RERE: variants seen among roughly 807,000 people sequenced by gnomAD.
RERE encodes arginine-glutamic acid dipeptide repeats protein.
Under a neutral mutation model 146.1 loss-of-function variants are expected in RERE, and 40 were observed. The observed-to-expected ratio is 0.27, with a 90% confidence interval of 0.21 to 0.36. The LOEUF (loss-of-function observed/expected upper bound fraction) is 0.36. Ranked by LOEUF, RERE falls within the 10% of genes least tolerant of loss-of-function variation. The pLI is 1.00. For synonymous variants in RERE, 1,003 were observed against 866.0 expected, an observed-to-expected ratio of 1.16 and a Z score of -2.78; for missense variants, 1,933 against 2,138.7, an observed-to-expected ratio of 0.90 and a Z score of 1.90.
At chr1:8,369,201 T>C (rs1053658510) in intron 12 of RERE, among the ~76,000 whole-genome samples, 3 of 151,950 alleles carry the variant, frequency 2.0e-5, no homozygotes, top group Non-Finnish European at 4.4e-5. Flanking sequence ...AGGCCATCTC[T>C]TTAAAAAAAA....
At chr1:8,710,549 C>T (rs923993304) in intron 1 of RERE, among the ~76,000 whole-genome samples, 5 of 152,182 alleles carry the variant, frequency 3.3e-5, no homozygotes, top group Non-Finnish European at 7.4e-5. Context: ...GACGGAGTCT[C>T]GCTGTGTCAC....
intron 2 of RERE, among the ~76,000 whole-genome samples, chr1:8,645,920 C>T (rs935154486): frequency 2.0e-5 from 3 of 152,100 alleles, no homozygotes; most frequent in Non-Finnish European, 4.4e-5. Context: ...AATAAAATTT[C>T]AAAAGAAACA....
intron 1 of RERE, among the ~76,000 whole-genome samples, chr1:8,687,150 T>C (rs1403589157): frequency 6.6e-6 from 1 of 152,144 alleles, no homozygotes; most frequent in Non-Finnish European, 1.5e-5. Flanking sequence ...GGCATGTTTG[T>C]ATGCTGCTGG....
intron 6 of RERE, among the ~76,000 whole-genome samples, chr1:8,552,814 G>A (rs936556156): frequency 3.3e-5 from 5 of 152,188 alleles, no homozygotes; most frequent in South Asian, 4.1e-4. Context: ...TGACAGCAAC[G>A]CGACCCTGCA....
In RERE at chr1:8,443,334, C is replaced by T. The variant is rs1029804313; in HGVS notation, c.1204-20527G>A. Among the ~76,000 whole-genome samples, 8 of 151,740 alleles carry T rather than the reference C, an allele frequency of 5.3e-5. No individual in the cohort carries two copies. In the East Asian group the frequency reaches 7.8e-4, roughly 15 times the overall value. The stretch of plus-strand genomic sequence containing the variant: ...AAAATTAGCCCGGCATGATGGCACA[C>T]ACCTGTAATCCCAGCTACCTGGGAG... On this transcript the variant is annotated intron_variant, in intron 11 of 22. Coordinates refer to ENST00000400908, the MANE Select transcript of RERE (RefSeq NM_001042681.2).
At chr1:8,762,277 C>T (rs149640427) in intron 1 of RERE, among the ~76,000 whole-genome samples, 83 of 152,302 alleles carry the variant, frequency 5.4e-4, no homozygotes, top group Middle Eastern at 3.4e-3. Context: ...GGAAGACAAG[C>T]GCCTTAGGAG....
At chr1:8,479,137 C>G (rs886844281) in intron 10 of RERE, among the ~76,000 whole-genome samples, 1 of 152,128 alleles carries the variant, frequency 6.6e-6, no homozygotes, top group South Asian at 2.1e-4. Context: ...GTAATCCCAG[C>G]ACTTTCAGAA....
At chr1:8,522,718 CA>C (rs1557671113) in intron 7 of RERE, among the ~76,000 whole-genome samples, 1 of 151,882 alleles carries the variant, frequency 6.6e-6, no homozygotes, top group Non-Finnish European at 1.5e-5. Flanking sequence ...CTAAAAAATA[CA>C]AAAATTAGCC....
chr1:8,704,480 G>C (rs1639519743), intron 1 of RERE, among the ~76,000 whole-genome samples: 1 of 152,094 alleles, frequency 6.6e-6, no homozygotes, highest in Non-Finnish European at 1.5e-5. Flanking sequence ...CTCTCAAATA[G>C]CTTCATAAAT....
At chr1:8,385,379 C>T (rs942324222) in intron 12 of RERE, among the ~76,000 whole-genome samples, 1 of 152,188 alleles carries the variant, frequency 6.6e-6, no homozygotes, top group African/African-American at 2.4e-5. Flanking sequence ...TCTCAAGAGG[C>T]CTCAGGGAAA....
At chr1:8,564,525 GT>G (rs1180008608) in intron 4 of RERE, among the ~76,000 whole-genome samples, 1 of 152,056 alleles carries the variant, frequency 6.6e-6, no homozygotes, top group East Asian at 1.9e-4. Flanking sequence ...TGCCCAACCT[GT>G]ATTTATTTAC....
chr1:8,443,200 C>T (rs1228046096), intron 11 of RERE, among the ~76,000 whole-genome samples: 1 of 152,194 alleles, frequency 6.6e-6, no homozygotes, highest in Admixed American at 6.5e-5. Flanking sequence ...TGGTGGCTCA[C>T]GCCTGTAATC....
chr1:8,637,522 C>G (rs919321666), intron 2 of RERE, among the ~76,000 whole-genome samples: 4 of 152,156 alleles, frequency 2.6e-5, no homozygotes, highest in African/African-American at 9.7e-5. Context: ...TGACCAAAAT[C>G]ATACTATCCT....
intron 7 of RERE, among the ~76,000 whole-genome samples, chr1:8,514,846 C>T (rs1220090191): frequency 6.6e-6 from 1 of 152,184 alleles, no homozygotes; most frequent in East Asian, 1.9e-4. Flanking sequence ...GATTATGGCA[C>T]ATTCTGAACT....
At chr1:8,489,066 C>T (rs1212352537) in intron 10 of RERE, among the ~76,000 whole-genome samples, 1 of 151,946 alleles carries the variant, frequency 6.6e-6, no homozygotes, top group Non-Finnish European at 1.5e-5. Context: ...AAAGTCAGGC[C>T]AGGTGCGGTG....
chr1:8,383,013 A>T (rs1266394331), intron 12 of RERE, among the ~76,000 whole-genome samples: 2 of 13,404 alleles, frequency 1.5e-4, no homozygotes, highest in East Asian at 0.025. Flanking sequence ...TGACTAAGTT[A>T]AAAAAAAAAA....
chr1:8,713,682 C>T (rs891398358), intron 1 of RERE, among the ~76,000 whole-genome samples: 4 of 151,800 alleles, frequency 2.6e-5, no homozygotes, highest in African/African-American at 2.4e-5. Context: ...TGTAGGGAGC[C>T]GAGATTGTAC....
chr1:8,369,508 T>TAAAA (rs1186718390), intron 12 of RERE, among the ~76,000 whole-genome samples: 79 of 76,882 alleles, frequency 1.0e-3, no homozygotes, highest in African/African-American at 1.2e-3. Context: ...CGCCTTTTAC[T>TAAAA]AAAAAAAAAA....
In RERE at chr1:8,779,391, G is replaced by A. The variant is rs374384523; in HGVS notation, c.-145+37769C>T. On this transcript the variant is annotated intron_variant, in intron 1 of 22. Coordinates refer to ENST00000400908, the MANE Select transcript of RERE (RefSeq NM_001042681.2). Reference sequence around the variant, plus strand: ...AAAATACAAAAATTAGGCTGGGCACGGTGGCTCACACCTGTAATCCCAGCA... The same window carrying A: ...AAAATACAAAAATTAGGCTGGGCACAGTGGCTCACACCTGTAATCCCAGCA... Among the ~76,000 whole-genome samples, 24 of 151,230 alleles carry A rather than the reference G, an allele frequency of 1.6e-4. No individual in the cohort carries two copies. The South Asian group carries it at 3.8e-3, about 24-fold the overall frequency.
Sources: allele counts gnomAD v4.1 joint callset (sites outside exome capture counted in the v4.1 genomes callset), GRCh38; gene constraint gnomAD v4.1.1; transcripts MANE v1.5; gene names NCBI Gene and HGNC (gene_info 2026-07-23, HGNC 2026-07-21).